CBFA2T2: variants seen among roughly 807,000 people sequenced by gnomAD.
The protein encoded by CBFA2T2 is protein CBFA2T2.
In CBFA2T2, 11 loss-of-function variants were observed where a neutral mutation model predicts 62.2. The ratio of observed to expected loss-of-function variants is 0.18; its 90% confidence interval spans 0.11 to 0.29. CBFA2T2 has a LOEUF of 0.29. CBFA2T2 is among the 10% of genes least tolerant of loss of function. CBFA2T2 has a pLI of 1.00. For synonymous variants in CBFA2T2, 295 were observed against 287.5 expected (o/e 1.03, Z -0.27); for missense variants, 592 against 774.1 (o/e 0.76, Z 2.79).
At chr20:33,607,664 G>A (rs1454811556) in intron 2 of CBFA2T2, among the ~76,000 whole-genome samples, 1 of 152,054 alleles carries the variant, frequency 6.6e-6, no homozygotes. Context: ...ATCCTCACAT[G>A]GTCTTTCCTC....
chr20:33,599,674 C>T (rs548460766), intron 1 of CBFA2T2, among the ~76,000 whole-genome samples: 1 of 152,088 alleles, frequency 6.6e-6, no homozygotes, highest in South Asian at 2.1e-4. Context: ...CCGCAACCTC[C>T]ACCTCCCAGG....
intron 1 of CBFA2T2, among the ~76,000 whole-genome samples, chr20:33,587,527 A>G (rs1354069873): frequency 1.3e-5 from 2 of 152,038 alleles, no homozygotes; most frequent in Admixed American, 6.6e-5. Flanking sequence ...TGGCCTCCCA[A>G]AGGGCTGGGA....
chr20:33,507,054 A>C (rs1468458715), intron 1 of CBFA2T2, among the ~76,000 whole-genome samples: 2 of 152,164 alleles, frequency 1.3e-5, no homozygotes, highest in African/African-American at 4.8e-5. Flanking sequence ...TGTTAGTTAA[A>C]TTCAATATGT....
In CBFA2T2 at chr20:33,647,464, A is replaced by C. The variant is rs2017092830; in HGVS notation, c.*2818A>C. 1 of 152,124 alleles carries C rather than the reference A, an allele frequency of 6.6e-6. No homozygotes were observed. The highest frequency in any genetic ancestry group is 2.1e-4 in the South Asian group (1 of 4,828). The allele number at this position is 152,124 out of a possible 1,614,324, so 9.4% of individuals were successfully genotyped here. ...CACGCCCAACTAATTTTGTATTTTT[A>C]GTAGAGACGGGGTTTCTCCTTGTTG... On this transcript the variant is annotated 3_prime_UTR_variant, in exon 11 of 11. Transcript: ENST00000342704.
intron 1 of CBFA2T2, among the ~76,000 whole-genome samples, chr20:33,531,512 A>G (rs1234706833): frequency 6.6e-6 from 1 of 152,258 alleles, no homozygotes; most frequent in East Asian, 1.9e-4. Context: ...ATTTGAAACT[A>G]CTTTCATTCT....
chr20:33,503,257 T>TC (rs56831947), intron 1 of CBFA2T2, among the ~76,000 whole-genome samples: 12,840 of 97,766 alleles, frequency 0.13, 710 homozygotes, highest in Middle Eastern at 0.18. Flanking sequence ...TTTCTTTCTT[T>TC]TTTTTTTTTT....
At chr20:33,563,300 A>C (rs1032896807) in intron 1 of CBFA2T2, among the ~76,000 whole-genome samples, 4 of 152,182 alleles carry the variant, frequency 2.6e-5, no homozygotes, top group Non-Finnish European at 4.4e-5. Context: ...CAATAAATTC[A>C]TGTGCATATA....
At position 33,647,185 on chromosome 20, in the gene CBFA2T2, C is replaced by T. The variant is rs1201144562; in HGVS notation, c.*2539C>T. The T allele has an allele frequency of 6.6e-6, 1 of 152,262 alleles. No individual in the cohort carries two copies. The highest frequency in any genetic ancestry group is 2.4e-5 in the African/African-American group (1 of 41,448). 9.4% of individuals were successfully genotyped at this position (152,262 alleles called of 1,614,324 possible). ...CGGACAGGGCCACATTTGCATGAGA[C>T]ATGGCTGTCTCACAGGTCACAGAGC... is the stretch of plus-strand genomic sequence containing the variant. On this transcript the variant is annotated 3_prime_UTR_variant, in exon 11 of 11. Transcript: ENST00000342704.
intron 1 of CBFA2T2, among the ~76,000 whole-genome samples, chr20:33,538,592 C>T (rs969309651): frequency 2.0e-5 from 3 of 152,168 alleles, no homozygotes; most frequent in Non-Finnish European, 4.4e-5. Flanking sequence ...TAGTCTTGAA[C>T]TGACCTCAGG....
chr20:33,577,982 C>T (rs1183813602), intron 1 of CBFA2T2, among the ~76,000 whole-genome samples: 3 of 152,156 alleles, frequency 2.0e-5, no homozygotes, highest in Non-Finnish European at 4.4e-5. Flanking sequence ...TCCTTCCCAG[C>T]AAGAAAGTCT....
At chr20:33,580,116 C>G (rs2014045037) in intron 1 of CBFA2T2, among the ~76,000 whole-genome samples, 1 of 151,908 alleles carries the variant, frequency 6.6e-6, no homozygotes, top group Non-Finnish European at 1.5e-5. Context: ...TGCGCCTGGC[C>G]TCTTTTTTCT....
Position 33,623,132 on chromosome 20 carries a change from G to A in CBFA2T2, c.528G>A (p.Leu176=), listed in dbSNP as rs754045336. 1 of 1,614,230 alleles carries A rather than the reference G, an allele frequency of 6.2e-7. No individual in the cohort carries two copies. The change falls in exon 5 of 11, where the codon CTG becomes CTA. Residue 176 remains leucine (L), a synonymous_variant. Coordinates refer to ENST00000342704, the MANE Select transcript of CBFA2T2 (RefSeq NM_001032999.3). ...IPFLKANLPL[L]QRELLHCARA... ...CTTTCAAGGCCAACCTGCCCCTGCT[G>A]CAGCGGGAACTGCTGCACTGCGCTC...
At chr20:33,618,550 T>G (rs1170667659) in intron 3 of CBFA2T2, 1 of 152,182 alleles carries the variant, frequency 6.6e-6, no homozygotes, top group Non-Finnish European at 1.5e-5. Flanking sequence ...AATGGGGGTT[T>G]GCCGGTTGGG....
At chr20:33,584,887 A>C (rs2146918380) in intron 1 of CBFA2T2, among the ~76,000 whole-genome samples, 1 of 152,264 alleles carries the variant, frequency 6.6e-6, no homozygotes, top group East Asian at 1.9e-4. Context: ...TGGGATTTTG[A>C]CAGGGTAACT....
rs200141024 is a variant in CBFA2T2 at position 33,606,988 on chromosome 20, G to A, written c.67G>A (p.Gly23Arg). The A allele has an allele frequency of 9.9e-6, 16 of 1,613,942 alleles. No homozygotes were observed. In the East Asian group the frequency reaches 2.2e-4, roughly 22 times the overall value. ...TGAGAAAAGGGTGCCAGCGATGCCT[G>A]GATCGCCTGTGGAAGTGAAGATACA... Reference protein sequence around the residue: ...GPEKRVPAMPGSPVEVKIQSR... With the variant: ...GPEKRVPAMPRSPVEVKIQSR... Residue 23 changes from glycine to arginine, a missense_variant, in exon 2 of 11, where the codon GGA becomes AGA. This residue lies in a region of CBFA2T2 where 449 missense variants were observed against 551.2 expected (regional missense o/e 0.81). Coordinates refer to ENST00000342704, the MANE Select transcript of CBFA2T2 (RefSeq NM_001032999.3).
At chr20:33,630,468 C>T (rs562938420) in intron 8 of CBFA2T2, among the ~76,000 whole-genome samples, 3 of 152,304 alleles carry the variant, frequency 2.0e-5, no homozygotes. Flanking sequence ...CTTCCCTCCT[C>T]CTGTCCCCAG....
At chr20:33,587,779 T>C (rs1196960325) in intron 1 of CBFA2T2, among the ~76,000 whole-genome samples, 1 of 152,234 alleles carries the variant, frequency 6.6e-6, no homozygotes, top group Admixed American at 6.5e-5. Flanking sequence ...AAAATTGAAT[T>C]ATTTCACATG....
chr20:33,600,135 T>A (rs917653696), intron 1 of CBFA2T2, among the ~76,000 whole-genome samples: 4 of 151,878 alleles, frequency 2.6e-5, no homozygotes, highest in African/African-American at 9.7e-5. Context: ...GTAATTTTGA[T>A]GTTTCTTCCT....
chr20:33,607,229 A>G (rs2015376095), intron 2 of CBFA2T2, 130 bp downstream of exon 2: 4 of 730,062 alleles, frequency 5.5e-6, no homozygotes, highest in South Asian at 4.6e-5. Context: ...AGACACAGAT[A>G]TATATTTCTG....
Sources: allele counts gnomAD v4.1 joint callset (sites outside exome capture counted in the v4.1 genomes callset), GRCh38; gene constraint gnomAD v4.1.1; regional missense constraint gnomAD v4.1.1; transcripts MANE v1.5; gene names NCBI Gene and HGNC (gene_info 2026-07-23, HGNC 2026-07-21).